The following DENND1A variants were observed in gnomAD, a reference collection of about 807,000 sequenced individuals.
The protein encoded by DENND1A is DENN domain containing 1A, also known as DENN domain-containing protein 1A.
In DENND1A, 51 loss-of-function variants were observed where a neutral mutation model predicts 113.7. The observed-to-expected ratio is 0.45, with a 90% CI of 0.36 to 0.57. The LOEUF is 0.57. Ranked by LOEUF, DENND1A falls within the 20% of genes least tolerant of loss-of-function variation. DENND1A has a pLI of 0.00. For synonymous variants in DENND1A, 565 were observed against 570.8 expected (o/e 0.99, Z 0.14); for missense variants, 1,258 against 1,395.9 (o/e 0.90, Z 1.57).
intron 5 of DENND1A, among the ~76,000 whole-genome samples, chr9:123,733,670 A>T (rs1222577590): frequency 8.9e-5 from 12 of 135,552 alleles, no homozygotes; most frequent in African/African-American, 3.3e-4. Context: ...CTTGTTGGTT[A>T]TTTTTTTTTT....
At chr9:123,457,723 TTAGAGTGGA>T (rs1432497046) in intron 14 of DENND1A, 61 bp downstream of exon 14, 1 of 1,444,696 alleles carries the variant, frequency 6.9e-7, no homozygotes, top group Non-Finnish European at 9.5e-7. Context: ...GCCTCAGTAC[TTAGAGTGGA>T]GACAGCTGCA....
rs138170431 is a variant in DENND1A, at chr9:123,415,235, C to A, written c.1489-3406G>T. ...AAGCCACATTGCCCCTTCTGACACTCGGGGAGTTTTCCCTGCGGGTTGTCG... is the reference window on the plus strand; with the variant it reads ...AAGCCACATTGCCCCTTCTGACACTAGGGGAGTTTTCCCTGCGGGTTGTCG... On this transcript the variant is annotated intron_variant, in intron 19 of 23. Transcript: ENST00000394215. Among the ~76,000 whole-genome samples the A allele has an allele frequency of 7.2e-5, 11 of 152,276 alleles. No homozygotes were observed. The East Asian group carries it at 2.1e-3, about 29-fold the overall frequency.
At chr9:123,739,017 GC>G (rs2068786158) in intron 5 of DENND1A, among the ~76,000 whole-genome samples, 1 of 152,096 alleles carries the variant, frequency 6.6e-6, no homozygotes, top group South Asian at 2.1e-4. Context: ...CTTTCGTGTG[GC>G]TTTTAGATAG....
At chr9:123,619,701 G>A (rs1270809918) in intron 10 of DENND1A, among the ~76,000 whole-genome samples, 1 of 152,204 alleles carries the variant, frequency 6.6e-6, no homozygotes, top group African/African-American at 2.4e-5. Context: ...ACAGGTGTGA[G>A]CCACTGCAGT....
At chr9:123,721,934 A>C (rs2067371416) in intron 5 of DENND1A, among the ~76,000 whole-genome samples, 1 of 152,200 alleles carries the variant, frequency 6.6e-6, no homozygotes, top group African/African-American at 2.4e-5. Flanking sequence ...AAAAATGTGG[A>C]AGTGACTTTG....
At chr9:123,404,099 T>C (rs1367310140) in intron 20 of DENND1A, among the ~76,000 whole-genome samples, 3 of 152,186 alleles carry the variant, frequency 2.0e-5, no homozygotes, top group Admixed American at 2.0e-4. Flanking sequence ...TGTAGCTACA[T>C]GCACTGAGCA....
At chr9:123,639,156 G>C (rs2061888794) in intron 9 of DENND1A, among the ~76,000 whole-genome samples, 2 of 151,556 alleles carry the variant, frequency 1.3e-5, no homozygotes, top group Admixed American at 1.3e-4. Context: ...AGTGACTGTA[G>C]GCCGCAGGTG....
chr9:123,799,962 C>T (rs1174670471), intron 2 of DENND1A, among the ~76,000 whole-genome samples: 2 of 152,216 alleles, frequency 1.3e-5, no homozygotes, highest in South Asian at 2.1e-4. Flanking sequence ...TCAATGACTA[C>T]AGATGTATAG....
chr9:123,680,217 A>G (rs1056755123), intron 5 of DENND1A, among the ~76,000 whole-genome samples: 1 of 152,210 alleles, frequency 6.6e-6, no homozygotes, highest in Non-Finnish European at 1.5e-5. Context: ...GCCTGGATCC[A>G]GGCTTCTCTC....
rs1757957199 is a variant in DENND1A, at chr9:123,422,838, A to G, written c.1489-11009T>C. Among the ~76,000 whole-genome samples, 1 of 152,156 alleles carries G rather than the reference A, an allele frequency of 6.6e-6. No homozygotes were observed. The highest frequency in any genetic ancestry group is 6.5e-5 in the Admixed American group (1 of 15,282). ...CATGGTGGCGTACGCCCTTGTAATGATCAGCTCTGGTCGATGTGCTTACCG... is the reference window on the plus strand; with the variant it reads ...CATGGTGGCGTACGCCCTTGTAATGGTCAGCTCTGGTCGATGTGCTTACCG... On this transcript the variant is annotated intron_variant, in intron 19 of 23. Transcript: ENST00000394215. This position sits in a 1 kb window ranked among gnomAD's most constrained non-coding sequence, Gnocchi z 4.8.
intron 2 of DENND1A, among the ~76,000 whole-genome samples, chr9:123,812,182 G>C (rs867029062): frequency 6.6e-6 from 1 of 152,140 alleles, no homozygotes; most frequent in Non-Finnish European, 1.5e-5. Flanking sequence ...TGATAAAATA[G>C]AGTTGTTTTG....
At chr9:123,548,035 G>A (rs2056814917) in intron 13 of DENND1A, among the ~76,000 whole-genome samples, 1 of 152,198 alleles carries the variant, frequency 6.6e-6, no homozygotes, top group Non-Finnish European at 1.5e-5. Flanking sequence ...GGATGGTGAA[G>A]TAACTTCCAG....
chr9:123,641,182 C>A (rs571466159), intron 9 of DENND1A, among the ~76,000 whole-genome samples: 1 of 152,156 alleles, frequency 6.6e-6, no homozygotes, highest in Non-Finnish European at 1.5e-5. Flanking sequence ...ACCTAGTAGG[C>A]GCTCAAAATT....
intron 1 of DENND1A, among the ~76,000 whole-genome samples, chr9:123,902,208 T>C (rs149701402): frequency 1.0e-3 from 115 of 114,324 alleles, no homozygotes; most frequent in African/African-American, 2.3e-3. Context: ...CACACACACA[T>C]ACACACACAC....
intron 2 of DENND1A, among the ~76,000 whole-genome samples, chr9:123,811,333 G>A (rs1044160200): frequency 6.6e-6 from 1 of 152,212 alleles, no homozygotes; most frequent in Non-Finnish European, 1.5e-5. Flanking sequence ...AGGATCTGGG[G>A]AAATAAGCAG....
intron 22 of DENND1A, 118 bp from the exon 23 acceptor site, chr9:123,384,031 G>C: frequency 2.9e-6 from 4 of 1,363,662 alleles, no homozygotes; most frequent in Non-Finnish European, 3.0e-6. Flanking sequence ...TGCGGGACAG[G>C]AGAGTGTCCC....
chr9:123,458,035 C>CCA, intron 13 of DENND1A, 138 bp from the exon 14 acceptor site: 1 of 628,408 alleles, frequency 1.6e-6, no homozygotes. Context: ...GAGTCTCACT[C>CCA]TGTCACCCAG....
At chr9:123,620,898 C>T (rs946482172) in intron 10 of DENND1A, among the ~76,000 whole-genome samples, 6 of 151,678 alleles carry the variant, frequency 4.0e-5, no homozygotes, top group East Asian at 1.9e-4. Flanking sequence ...TGCTTGAGTT[C>T]GTTGGTGAAG....
At chr9:123,618,171 A>G (rs1055592966) in intron 10 of DENND1A, among the ~76,000 whole-genome samples, 3 of 152,224 alleles carry the variant, frequency 2.0e-5, no homozygotes, top group Non-Finnish European at 4.4e-5. Flanking sequence ...AGGCAGGCAC[A>G]CTATCTCCAG....
Sources: gnomAD v4.1 joint callset for allele counts (sites outside exome capture counted in the v4.1 genomes callset) on GRCh38, gnomAD v4.1.1 for gene constraint, Gnocchi (gnomAD v3.1) non-coding constraint, MANE v1.5 for transcripts, NCBI Gene and HGNC (gene_info 2026-07-23, HGNC 2026-07-21) for gene names.